The following CTNNA3 variants were observed in gnomAD, a reference collection of about 807,000 sequenced individuals.
CTNNA3 encodes catenin alpha 3, also known as catenin alpha-3.
CTNNA3 carries 76 observed loss-of-function variants against 95.7 expected under a neutral mutation model. The observed-to-expected ratio is 0.79, with a 90% CI of 0.66 to 0.96. CTNNA3 has a LOEUF of 0.96. Among genes scored for constraint, CTNNA3 ranks in the 40% least tolerant of loss-of-function variants. The pLI is 0.00. For missense variants in CTNNA3, 1,191 were observed against 1,089.8 expected (o/e 1.09, Z -1.31); for synonymous variants, 431 against 374.4 (o/e 1.15, Z -1.74).
At chr10:65,936,678 A>C (rs1341679238) in intron 17 of CTNNA3, among the ~76,000 whole-genome samples, 1 of 152,070 alleles carries the variant, frequency 6.6e-6, no homozygotes, top group African/African-American at 2.4e-5. Context: ...ATTAAAAGTG[A>C]TTAAAAACAC....
intron 12 of CTNNA3, among the ~76,000 whole-genome samples, chr10:66,377,288 AG>A (rs1315942376): frequency 2.0e-5 from 3 of 152,112 alleles, no homozygotes; most frequent in Non-Finnish European, 4.4e-5. Context: ...TTTGGGATAT[AG>A]GACATAATTT....
intron 11 of CTNNA3, among the ~76,000 whole-genome samples, chr10:66,444,926 C>T (rs1242463971): frequency 6.6e-6 from 1 of 151,978 alleles, no homozygotes; most frequent in Non-Finnish European, 1.5e-5. Context: ...ATTCAGGAAA[C>T]CCATCTCACG....
chr10:66,817,455 T>A (rs927978274), intron 7 of CTNNA3, among the ~76,000 whole-genome samples: 2 of 151,952 alleles, frequency 1.3e-5, no homozygotes, highest in East Asian at 3.8e-4. Flanking sequence ...AATTCTCAAA[T>A]TACCAAAATC....
chr10:66,314,414 T>C (rs1308195065), intron 12 of CTNNA3, among the ~76,000 whole-genome samples: 1 of 150,498 alleles, frequency 6.6e-6, no homozygotes, highest in East Asian at 1.9e-4. Flanking sequence ...TAAAATATCA[T>C]GTGTGGAAAA....
chr10:66,008,951 T>G (rs2078950571), intron 15 of CTNNA3, among the ~76,000 whole-genome samples: 1 of 151,920 alleles, frequency 6.6e-6, no homozygotes, highest in Non-Finnish European at 1.5e-5. Context: ...AATACAAAAA[T>G]TATCCGTATG....
Position 66,088,485 on chromosome 10 carries a change from T to TTGTGTGTG in CTNNA3, c.1977+14664_1977+14671dup, listed in dbSNP as rs3074377. Among the ~76,000 whole-genome samples, 740 of 139,634 alleles carry TTGTGTGTG rather than the reference T, an allele frequency of 5.3e-3. 8 individuals carry two copies. The highest frequency in any genetic ancestry group is 0.014 in the African/African-American group (515 of 37,120). 91.6% of individuals were successfully genotyped at this position (139,634 alleles called of 152,430 possible). On this transcript the variant is annotated intron_variant, in intron 14 of 17. Transcript: ENST00000433211. Reference sequence around the variant, plus strand: ...ATATTTATGTAGATAGGTAGGTGTTTTGTGTGTGTGTGTGTGTGTGTGTGT... The same window carrying TTGTGTGTG: ...ATATTTATGTAGATAGGTAGGTGTTTTGTGTGTGTGTGTGTGTGTGTGTGTGTGTGTGT...
intron 10 of CTNNA3, among the ~76,000 whole-genome samples, chr10:66,612,295 T>C (rs1391643385): frequency 6.6e-6 from 1 of 152,138 alleles, no homozygotes; most frequent in Non-Finnish European, 1.5e-5. Context: ...CTCTCCCTTT[T>C]CCCATTCAGT....
intron 3 of CTNNA3, among the ~76,000 whole-genome samples, chr10:67,603,262 A>G (rs1240169935): frequency 6.6e-6 from 1 of 152,224 alleles, no homozygotes; most frequent in Non-Finnish European, 1.5e-5. Flanking sequence ...TGACGGGAAT[A>G]AGGTCATGTT....
chr10:66,721,826 G>C (rs1384600565), intron 9 of CTNNA3, among the ~76,000 whole-genome samples: 1 of 152,106 alleles, frequency 6.6e-6, no homozygotes, highest in Non-Finnish European at 1.5e-5. Flanking sequence ...ACTGTGATAG[G>C]CACTTTTTGG....
At chr10:66,256,181 G>T (rs976170407) in intron 13 of CTNNA3, among the ~76,000 whole-genome samples, 12 of 152,162 alleles carry the variant, frequency 7.9e-5, no homozygotes, top group African/African-American at 2.9e-4. Context: ...TGAGAAGTCA[G>T]TTAGGAGCCA....
intron 13 of CTNNA3, among the ~76,000 whole-genome samples, chr10:66,199,781 ATATATATATATATATATATATAT>A (rs2087218638): frequency 2.6e-5 from 1 of 38,100 alleles, no homozygotes; most frequent in African/African-American, 2.0e-4. Context: ...ATATATATAT[ATATATATATATATATATATATAT>A]ATTTTTTTTT....
At chr10:66,496,703 C>T (rs1250101763) in intron 11 of CTNNA3, among the ~76,000 whole-genome samples, 1 of 152,134 alleles carries the variant, frequency 6.6e-6, no homozygotes, top group Non-Finnish European at 1.5e-5. Flanking sequence ...ACAGTGAACA[C>T]ACGACAAAGG....
chr10:67,127,092 T>A (rs775675526), intron 7 of CTNNA3, among the ~76,000 whole-genome samples: 22 of 152,184 alleles, frequency 1.4e-4, no homozygotes, highest in Admixed American at 2.6e-4. Flanking sequence ...TATTTCCTCA[T>A]GAAGAAATAA....
At chr10:65,988,845 T>C (rs757372214) in intron 15 of CTNNA3, 48 bp from the exon 16 acceptor site, 3 of 1,330,382 alleles carry the variant, frequency 2.3e-6, no homozygotes, top group Non-Finnish European at 3.2e-6. Flanking sequence ...TGAGAAAATA[T>C]ATGTTAGCTA....
intron 6 of CTNNA3, among the ~76,000 whole-genome samples, chr10:67,208,466 T>C (rs1237293319): frequency 4.6e-5 from 7 of 151,644 alleles, no homozygotes; most frequent in Admixed American, 3.9e-4. Context: ...ACTAGACAGT[T>C]GAAGACTTAA....
At chr10:67,743,292 G>C (rs1281161634) in intron 1 of CTNNA3, among the ~76,000 whole-genome samples, 1 of 151,102 alleles carries the variant, frequency 6.6e-6, no homozygotes, top group Admixed American at 6.6e-5. Context: ...ACATCAAAAA[G>C]CTTATCCACC....
In CTNNA3 at chr10:66,927,116, C is replaced by T. The variant is rs1257766199; in HGVS notation, c.1048-151592G>A. ...ATATCTGCTGGTTGCTTAGGTTTGT[C>T]CCTTCGCTATAACAGCCTTCAAAAA... On this transcript the variant is annotated intron_variant, in intron 7 of 17. Coordinates refer to ENST00000433211, the MANE Select transcript of CTNNA3 (RefSeq NM_013266.4). This position sits in a 1 kb window ranked among gnomAD's most constrained non-coding sequence, Gnocchi z 4.7. 6.2e-7 allele frequency: 1 copy of T among 1,614,140 alleles called. No individual in the cohort carries two copies. The highest frequency in any genetic ancestry group is 1.1e-5 in the South Asian group (1 of 91,086).
At chr10:66,226,313 T>A (rs2131994856) in intron 13 of CTNNA3, among the ~76,000 whole-genome samples, 1 of 152,276 alleles carries the variant, frequency 6.6e-6, no homozygotes, top group African/African-American at 2.4e-5. Flanking sequence ...AAGGCTGCCA[T>A]TTTCCCAATG....
At chr10:67,114,284 T>G (rs1306929090) in intron 7 of CTNNA3, among the ~76,000 whole-genome samples, 1 of 152,096 alleles carries the variant, frequency 6.6e-6, no homozygotes, top group Non-Finnish European at 1.5e-5. Flanking sequence ...ATATAAGGCC[T>G]CTACATTTAC....
Sources: gnomAD v4.1 joint callset for allele counts (sites outside exome capture counted in the v4.1 genomes callset) on GRCh38, gnomAD v4.1.1 for gene constraint, Gnocchi (gnomAD v3.1) non-coding constraint, MANE v1.5 for transcripts, NCBI Gene and HGNC (gene_info 2026-07-23, HGNC 2026-07-21) for gene names.